Variants in MALRD1 observed in about 807,000 individuals in gnomAD.
MALRD1 encodes MAM and LDL receptor class A domain containing 1.
Under a neutral mutation model 242.1 loss-of-function variants are expected in MALRD1, and 247 were observed. The observed-to-expected ratio is 1.02, with a 90% CI of 0.92 to 1.13. The LOEUF (loss-of-function observed/expected upper bound fraction) is 1.13. MALRD1 is among the 50% of genes most tolerant of loss of function. The pLI is 0.00. For missense variants in MALRD1, 2,989 were observed against 2,533.1 expected (o/e 1.18, Z -3.86); for synonymous variants, 995 against 866.6 (o/e 1.15, Z -2.60).
At chr10:19,478,348 C>T (rs2131166985) in intron 29 of MALRD1, among the ~76,000 whole-genome samples, 1 of 152,270 alleles carries the variant, frequency 6.6e-6, no homozygotes, top group South Asian at 2.1e-4. Flanking sequence ...GACGTCGATG[C>T]TTTATTGTAA....
At chr10:19,684,988 T>A in intron 36 of MALRD1, among the ~76,000 whole-genome samples, 1 of 152,152 alleles carries the variant, frequency 6.6e-6, no homozygotes, top group Admixed American at 6.5e-5. Flanking sequence ...TAACAACTCA[T>A]ATTTGGATAT....
chr10:19,290,993 G>A (rs752886955), intron 21 of MALRD1, among the ~76,000 whole-genome samples: 23 of 152,054 alleles, frequency 1.5e-4, no homozygotes, highest in African/African-American at 2.7e-4. Flanking sequence ...GCCAAGCACC[G>A]TAAGTTTTAT....
chr10:19,576,637 G>A (rs752255923), intron 33 of MALRD1, among the ~76,000 whole-genome samples: 1 of 152,098 alleles, frequency 6.6e-6, no homozygotes, highest in Non-Finnish European at 1.5e-5. Flanking sequence ...TCTATAAAAT[G>A]ATCCCATCAA....
At chr10:19,661,330 G>T (rs1192031980) in intron 36 of MALRD1, among the ~76,000 whole-genome samples, 1 of 152,164 alleles carries the variant, frequency 6.6e-6, no homozygotes, top group Non-Finnish European at 1.5e-5. Flanking sequence ...AAAGACACAT[G>T]CACACGTATG....
chr10:19,071,655 C>G lies in MALRD1; in HGVS notation c.340+4796C>G, dbSNP rs1835152037. ...TGAGTGAACACCAGCATCTCCTAAG[C>G]TGCTCTATGTTGCCCTTTCTGAAGG... On this transcript the variant is annotated intron_variant, in intron 2 of 39. Transcript: ENST00000454679. 2.6e-5 allele frequency among the ~76,000 whole-genome samples: 4 copies of G among 152,228 alleles called. No homozygotes were observed. The South Asian group carries it at 8.3e-4, about 32-fold the overall frequency.
rs1478944164 is a variant in MALRD1, at chr10:19,376,545, T to A, written c.4442-10983T>A. Among the ~76,000 whole-genome samples, 101 of 94,490 alleles carry A rather than the reference T, an allele frequency of 1.1e-3. 5 individuals carry two copies. Among genetic ancestry groups the A allele is most frequent in the South Asian group, 1.4e-3 (4 of 2,760 alleles). 62.0% of individuals were successfully genotyped at this position (94,490 alleles called of 152,430 possible). On this transcript the variant is annotated intron_variant, in intron 26 of 39. Coordinates refer to ENST00000454679, the MANE Select transcript of MALRD1 (RefSeq NM_001142308.3). ...AAAGTCAAGGAGTTGATACATTCTT[T>A]TTTTTTTTTTTTTTTTTTTTTTTTT...
intron 29 of MALRD1, among the ~76,000 whole-genome samples, chr10:19,453,584 TA>T (rs1207111598): frequency 6.6e-6 from 1 of 152,148 alleles, no homozygotes; most frequent in Non-Finnish European, 1.5e-5. Context: ...CCCATCTCTA[TA>T]AAAATTTTAG....
chr10:19,268,197 T>C (rs1293316326), intron 19 of MALRD1, among the ~76,000 whole-genome samples: 1 of 151,992 alleles, frequency 6.6e-6, no homozygotes, highest in African/African-American at 2.4e-5. Flanking sequence ...ATTGAATCTT[T>C]GTTATAAAGC....
chr10:19,401,008 T>C (rs907283757), intron 28 of MALRD1, among the ~76,000 whole-genome samples: 2 of 151,916 alleles, frequency 1.3e-5, no homozygotes, highest in Non-Finnish European at 2.9e-5. Context: ...AGAGGGAGAC[T>C]ATGTCTCAGA....
At chr10:19,607,719 A>T in intron 34 of MALRD1, 58 bp from the exon 35 acceptor site, 9 of 1,518,086 alleles carry the variant, frequency 5.9e-6, no homozygotes, top group Non-Finnish European at 6.2e-6. Flanking sequence ...GTGAGAATTC[A>T]TTGGGACAAA....
rs1354968382 is a variant in MALRD1 at position 19,625,089 on chromosome 10, T to C, written c.6137+9166T>C. On this transcript the variant is annotated intron_variant, in intron 36 of 39. Coordinates refer to ENST00000454679, the MANE Select transcript of MALRD1 (RefSeq NM_001142308.3). The stretch of plus-strand genomic sequence containing the variant: ...GAGAGAGAGAGAGAGACATGAGACA[T>C]GGTGAAATTAAGTACTTTTCCCAGA... 3.3e-5 allele frequency among the ~76,000 whole-genome samples: 5 copies of C among 150,538 alleles called. No homozygotes were observed. The East Asian group carries it at 9.9e-4, about 30-fold the overall frequency.
intron 4 of MALRD1, 110 bp downstream of exon 4, chr10:19,088,295 G>C: frequency 1.0e-6 from 1 of 1,000,936 alleles, no homozygotes; most frequent in Non-Finnish European, 1.3e-6. Flanking sequence ...CAGGGACTGA[G>C]GGATTTCCCA....
rs1845979165 is a variant in MALRD1 at position 19,384,428 on chromosome 10, A to G, written c.4442-3100A>G. ...TAGTATATATAATATAATATTTACC[A>G]TATATTATATATTATATAGTATATA... On this transcript the variant is annotated intron_variant, in intron 26 of 39. Transcript: ENST00000454679. 1.7e-4 allele frequency among the ~76,000 whole-genome samples: 20 copies of G among 116,708 alleles called. No individual in the cohort carries two copies. The South Asian group carries it at 4.5e-3, about 27-fold the overall frequency. 76.6% of individuals were successfully genotyped at this position (116,708 alleles called of 152,430 possible). A position where few individuals can be genotyped will look rare whatever the true frequency, so the allele number is the denominator to read the frequency against.
chr10:19,462,351 T>C (rs1183941522), intron 29 of MALRD1, among the ~76,000 whole-genome samples: 1 of 152,226 alleles, frequency 6.6e-6, no homozygotes, highest in African/African-American at 2.4e-5. Flanking sequence ...CCGAGTTTAC[T>C]GAAATTATTC....
intron 4 of MALRD1, among the ~76,000 whole-genome samples, chr10:19,103,488 G>A (rs1048501166): frequency 3.5e-4 from 52 of 148,618 alleles, no homozygotes; most frequent in Non-Finnish European, 5.6e-4. Context: ...ATGAATGTGG[G>A]AGGCGGAGCT....
chr10:19,537,904 G>A (rs1311194110), intron 32 of MALRD1, among the ~76,000 whole-genome samples: 2 of 152,150 alleles, frequency 1.3e-5, no homozygotes, highest in Admixed American at 6.5e-5. Flanking sequence ...GAAAAGTGAA[G>A]ATGATTTCAG....
At chr10:19,155,469 A>G (rs970320162) in intron 12 of MALRD1, among the ~76,000 whole-genome samples, 6 of 152,234 alleles carry the variant, frequency 3.9e-5, no homozygotes, top group African/African-American at 1.4e-4. Context: ...TTTGGCCAAC[A>G]GTGTACATTG....
In MALRD1 at chr10:19,142,764, A is replaced by G. The variant is rs554689492; in HGVS notation, c.1412-3434A>G. Reference sequence around the variant, plus strand: ...GCAAATGTTTACATTTAACACATATAGTATGATAAGACATTTAATAATTGC... The same window carrying G: ...GCAAATGTTTACATTTAACACATATGGTATGATAAGACATTTAATAATTGC... On this transcript the variant is annotated intron_variant, in intron 10 of 39. Transcript: ENST00000454679. Among the ~76,000 whole-genome samples the G allele has an allele frequency of 1.6e-3, 239 of 152,378 alleles. 1 individual carries two copies. The highest frequency in any genetic ancestry group is 5.3e-3 in the African/African-American group (222 of 41,594).
intron 12 of MALRD1, among the ~76,000 whole-genome samples, chr10:19,156,021 C>G (rs150781883): frequency 1.3e-5 from 2 of 152,252 alleles, no homozygotes; most frequent in African/African-American, 4.8e-5. Context: ...CTCCAACATG[C>G]CTCTCGGCCC....
Sources: gnomAD v4.1 joint callset for allele counts (sites outside exome capture counted in the v4.1 genomes callset) on GRCh38, gnomAD v4.1.1 for gene constraint, MANE v1.5 for transcripts, NCBI Gene and HGNC (gene_info 2026-07-23, HGNC 2026-07-21) for gene names.